Variants in NSD2 observed in about 807,000 individuals in gnomAD.
The protein encoded by NSD2 is nuclear receptor binding SET domain protein 2, also known as histone-lysine N-methyltransferase NSD2.
A neutral mutation model predicts 139.0 loss-of-function variants in NSD2; 12 were observed. That is an observed-to-expected ratio of 0.09 (90% CI 0.06 to 0.14). NSD2 has a LOEUF of 0.14. Among genes scored for constraint, NSD2 ranks in the 10% least tolerant of loss-of-function variants. The probability of loss-of-function intolerance (pLI) is 1.00; values close to 1 mark genes in which losing one functional copy is unlikely to be tolerated. For missense variants in NSD2, 1,155 were observed against 1,745.0 expected, an observed-to-expected ratio of 0.66 and a Z score of 6.02; for synonymous variants, 669 against 648.7, an observed-to-expected ratio of 1.03 and a Z score of -0.48.
At chr4:1,950,902 CA>C (rs1346864389) in intron 9 of NSD2, among the ~76,000 whole-genome samples, 169 bp from the exon 10 acceptor site, 7 of 151,652 alleles carry the variant, frequency 4.6e-5, no homozygotes, top group African/African-American at 1.7e-4. Context: ...GTTATATTAT[CA>C]CAAAAACCAG....
chr4:1,871,477 C>G lies in NSD2; in HGVS notation c.-95C>G, dbSNP rs1309641253. On this transcript the variant is annotated 5_prime_UTR_variant, in exon 1 of 22. Transcript: ENST00000508803. ...TCCCCGCCTGGGCCCTACCGCCGCA[C>G]GGCCCCGGCCCCCTCCCAGCCTGCC... is the stretch of plus-strand genomic sequence containing the variant. The G allele has an allele frequency of 1.4e-5, 2 of 147,716 alleles. No homozygotes were observed. Among genetic ancestry groups the G allele is most frequent in the Non-Finnish European group, 3.0e-5 (2 of 66,912 alleles). 9.2% of individuals were successfully genotyped at this position (147,716 alleles called of 1,614,324 possible). A position where few individuals can be genotyped will look rare whatever the true frequency, so the allele number is the denominator to read the frequency against.
rs981129594 is a variant in NSD2, at chr4:1,955,463, A to T, written c.2518+123A>T. 5 of 1,315,064 alleles carry T rather than the reference A, an allele frequency of 3.8e-6. No homozygotes were observed. In the African/African-American group the frequency reaches 4.4e-5, roughly 12 times the overall value. 81.5% of individuals were successfully genotyped at this position (1,315,064 alleles called of 1,614,324 possible). A position where few individuals can be genotyped will look rare whatever the true frequency, so the allele number is the denominator to read the frequency against. ...TGTTGACAGTGTTCTGTGCGTCTTC[A>T]CGTTAATAGTATATCACAGTAGCTC... On this transcript the variant is annotated intron_variant, in intron 13 of 21. Coordinates refer to ENST00000508803, the MANE Select transcript of NSD2 (RefSeq NM_001042424.3). The surrounding 1 kb of genome is among the most constrained non-coding windows in gnomAD (Gnocchi z 4.7).
Position 1,942,570 on chromosome 4 carries a change from G to A in NSD2, c.1881+2792G>A. 1 of 1,364,168 alleles carries A rather than the reference G, an allele frequency of 7.3e-7. No homozygotes were observed. The highest frequency in any genetic ancestry group is 2.7e-5 in the East Asian group (1 of 37,424). 84.5% of individuals were successfully genotyped at this position (1,364,168 alleles called of 1,614,324 possible). A position where few individuals can be genotyped will look rare whatever the true frequency, so the allele number is the denominator to read the frequency against. On this transcript the variant is annotated intron_variant, in intron 9 of 21. Coordinates refer to ENST00000508803, the MANE Select transcript of NSD2 (RefSeq NM_001042424.3). The surrounding 1 kb of genome is among the most constrained non-coding windows in gnomAD (Gnocchi z 4.0). ...ATAACAAATTTTAAGACCAAGGTAA[G>A]ATAACTAATCAAGGCCATTTAATCC...
At position 1,925,778 on chromosome 4, in the gene NSD2, T is replaced by TTG. The variant is rs1560666173; in HGVS notation, c.1411-4847_1411-4846insGT. Among the ~76,000 whole-genome samples, 431 of 151,158 alleles carry TTG rather than the reference T, an allele frequency of 2.9e-3. 2 individuals are homozygous for TTG. The highest frequency in any genetic ancestry group is 0.01 in the African/African-American group (411 of 40,936). On this transcript the variant is annotated intron_variant, in intron 5 of 21. Transcript: ENST00000508803. ...TTTATATATCTATATATATATTTTT[T>TTG]TTTGTTTGTTTGTTTGTTTGTTTGT...
At chr4:1,943,035 C>T (rs775974209) in intron 9 of NSD2, 178 of 1,049,702 alleles carry the variant, frequency 1.7e-4, no homozygotes, top group Non-Finnish European at 1.9e-4. Flanking sequence ...TCCAAGGCCC[C>T]GGACCAAGGG....
At position 1,965,051 on chromosome 4, in the gene NSD2, CAAAAAAA is replaced by C. The variant is rs555374240; in HGVS notation, c.3372+3918_3372+3924del. 4.5e-3 allele frequency among the ~76,000 whole-genome samples: 213 copies of C among 47,178 alleles called. 1 individual carries two copies. Among genetic ancestry groups the C allele is most frequent in the African/African-American group, 0.015 (197 of 13,118 alleles). 31.0% of individuals were successfully genotyped at this position (47,178 alleles called of 152,430 possible). ...TAGACTTAACATGTCCAGTGTTCAGCAAAAAAAAAAAAAAAAAAAAAAAAGCCTACAA... is the reference window on the plus strand; with the variant it reads ...TAGACTTAACATGTCCAGTGTTCAGCAAAAAAAAAAAAAAAAAGCCTACAA... On this transcript the variant is annotated intron_variant, in intron 18 of 21. Coordinates refer to ENST00000508803, the MANE Select transcript of NSD2 (RefSeq NM_001042424.3).
chr4:1,960,605 T>G (rs1337408505), intron 17 of NSD2, among the ~76,000 whole-genome samples: 1 of 152,134 alleles, frequency 6.6e-6, no homozygotes, highest in Non-Finnish European at 1.5e-5. Flanking sequence ...GCACAAAAGG[T>G]TGCTTAGAAA....
At chr4:1,945,323 G>C in intron 9 of NSD2, 5 of 1,066,062 alleles carry the variant, frequency 4.7e-6, no homozygotes, top group Non-Finnish European at 5.7e-6. Flanking sequence ...TGCTGTGTGA[G>C]AGCCATGCTG....
chr4:1,948,432 C>A lies in NSD2; in HGVS notation c.1882-2640C>A, dbSNP rs953881283. ...ACCTGGTGCGTGGAGGTGGAGCCTG[C>A]GGCTGGAGTAAGGCTTGCTGTGGGA... On this transcript the variant is annotated intron_variant, in intron 9 of 21. Coordinates refer to ENST00000508803, the MANE Select transcript of NSD2 (RefSeq NM_001042424.3). This position sits in a 1 kb window ranked among gnomAD's most constrained non-coding sequence, Gnocchi z 4.5. 1 of 1,065,802 alleles carries A rather than the reference C, an allele frequency of 9.4e-7. No homozygotes were observed. Among genetic ancestry groups the A allele is most frequent in the Non-Finnish European group, 1.1e-6 (1 of 878,638 alleles). 66.0% of individuals were successfully genotyped at this position (1,065,802 alleles called of 1,614,324 possible). A position where few individuals can be genotyped will look rare whatever the true frequency, so the allele number is the denominator to read the frequency against.
intron 5 of NSD2, among the ~76,000 whole-genome samples, chr4:1,925,772 A>ATATT (rs1398178074): frequency 6.7e-6 from 1 of 148,854 alleles, no homozygotes; most frequent in African/African-American, 2.5e-5. Context: ...CTATATATAT[A>ATATT]TTTTTTTTTG....
intron 1 of NSD2, among the ~76,000 whole-genome samples, chr4:1,876,656 A>C (rs1008866829): frequency 4.6e-5 from 7 of 152,034 alleles, no homozygotes; most frequent in African/African-American, 1.7e-4. Flanking sequence ...ATACCACCAC[A>C]CTCCAGCCTG....
intron 1 of NSD2, among the ~76,000 whole-genome samples, chr4:1,888,210 C>G (rs995106243): frequency 1.3e-5 from 2 of 152,012 alleles, no homozygotes; most frequent in South Asian, 4.2e-4. Context: ...GTCAGGAGTT[C>G]GAGACCAGCC....
At position 1,973,578 on chromosome 4, in the gene NSD2, C is replaced by T. The variant is rs928141700; in HGVS notation, c.3373-1285C>T. Among the ~76,000 whole-genome samples the T allele has an allele frequency of 1.3e-5, 2 of 152,248 alleles. No homozygotes were observed. The highest frequency in any genetic ancestry group is 2.1e-4 in the South Asian group (1 of 4,838). The stretch of plus-strand genomic sequence containing the variant: ...TTGTGAAAAGCATCTTGCAGAGAAC[C>T]ACATTCTGGTACCATTTCTGGTTTT... On this transcript the variant is annotated intron_variant, in intron 18 of 21. Coordinates refer to ENST00000508803, the MANE Select transcript of NSD2 (RefSeq NM_001042424.3). This position sits in a 1 kb window ranked among gnomAD's most constrained non-coding sequence, Gnocchi z 5.5.
rs1317543512 is a variant in NSD2, at chr4:1,973,403, C to T, written c.3373-1460C>T. ...GTGCATGCCCCGTGCTGTCCTCGTC[C>T]CCAGGGCCCTGCAGAAGTGGTGTGC... On this transcript the variant is annotated intron_variant, in intron 18 of 21. Transcript: ENST00000508803. The surrounding 1 kb of genome is among the most constrained non-coding windows in gnomAD (Gnocchi z 5.5). Among the ~76,000 whole-genome samples, 1 of 152,192 alleles carries T rather than the reference C, an allele frequency of 6.6e-6. No homozygotes were observed. Among genetic ancestry groups the T allele is most frequent in the African/African-American group, 2.4e-5 (1 of 41,444 alleles).
intron 2 of NSD2, among the ~76,000 whole-genome samples, chr4:1,904,004 G>A (rs767322960): frequency 3.9e-5 from 6 of 152,166 alleles, no homozygotes; most frequent in Non-Finnish European, 8.8e-5. Flanking sequence ...AAAGTGCTGG[G>A]ACTACAGGCG....
At chr4:1,932,905 G>A (rs1308918923) in intron 6 of NSD2, among the ~76,000 whole-genome samples, 1 of 152,242 alleles carries the variant, frequency 6.6e-6, no homozygotes, top group Non-Finnish European at 1.5e-5. Context: ...AGCGAGGCGC[G>A]GGGCTGGCTT....
At chr4:1,947,958 C>G in intron 9 of NSD2, 1 of 1,056,846 alleles carries the variant, frequency 9.5e-7, no homozygotes, top group Non-Finnish European at 1.1e-6. Context: ...CCCTGAAGGG[C>G]CACGTGCTTT....
chr4:1,952,495 AT>A (rs1724378877), intron 11 of NSD2, among the ~76,000 whole-genome samples: 1 of 152,186 alleles, frequency 6.6e-6, no homozygotes, highest in African/African-American at 2.4e-5. Context: ...ATGACAGGTC[AT>A]GGGCTTTTCA....
chr4:1,971,167 TG>T (rs1726432308), intron 18 of NSD2, among the ~76,000 whole-genome samples: 1 of 152,132 alleles, frequency 6.6e-6, no homozygotes, highest in African/African-American at 2.4e-5. Context: ...GAGACCAGCC[TG>T]GGCAACATAG....
Sources: gnomAD v4.1 joint callset for allele counts (sites outside exome capture counted in the v4.1 genomes callset) on GRCh38, gnomAD v4.1.1 for gene constraint, Gnocchi (gnomAD v3.1) non-coding constraint, MANE v1.5 for transcripts, NCBI Gene and HGNC (gene_info 2026-07-23, HGNC 2026-07-21) for gene names.